The following CLSPN variants were observed in gnomAD, a reference collection of about 807,000 sequenced individuals.
The protein encoded by CLSPN is claspin.
A neutral mutation model predicts 156.3 loss-of-function variants in CLSPN; 85 were observed. The observed-to-expected ratio is 0.54, with a 90% confidence interval of 0.46 to 0.65. The LOEUF (loss-of-function observed/expected upper bound fraction) is 0.65, where lower values mean the gene tolerates loss of function less well. CLSPN is among the 30% of genes least tolerant of loss of function. The pLI is 0.00. For synonymous variants in CLSPN, 534 were observed against 542.4 expected (o/e 0.98, Z 0.22); for missense variants, 1,407 against 1,554.9 (o/e 0.90, Z 1.60).
chr1:35,753,000 G>C (rs1642144596), intron 9 of CLSPN, among the ~76,000 whole-genome samples: 1 of 152,156 alleles, frequency 6.6e-6, no homozygotes, highest in Non-Finnish European at 1.5e-5. Flanking sequence ...TATTACTTGT[G>C]ATTTCAAGGG....
At chr1:35,738,893 C>T (rs1311440112) in intron 20 of CLSPN, among the ~76,000 whole-genome samples, 8 of 151,496 alleles carry the variant, frequency 5.3e-5, no homozygotes, top group African/African-American at 9.7e-5. Context: ...CTCCGTCTCC[C>T]GGGTTCACGC....
chr1:35,739,984 C>T (rs556894960), intron 18 of CLSPN, among the ~76,000 whole-genome samples: 22 of 152,196 alleles, frequency 1.4e-4, no homozygotes, highest in Non-Finnish European at 2.5e-4. Flanking sequence ...AGAAAGATTA[C>T]ATTTACCCAA....
In CLSPN at chr1:35,760,358, T is replaced by C. The variant is rs560506651; in HGVS notation, c.1563A>G (p.Glu521=). The change falls in exon 8 of 25, where the codon GAA becomes GAG. Residue 521 remains glutamate (E), a synonymous_variant. Transcript: ENST00000318121. Reference sequence around the variant, plus strand: ...AAGGATTACCTCTGTTGGTTTCAGGTTCAAGTATCACAAAGGAATCTTCAT... The same window carrying C: ...AAGGATTACCTCTGTTGGTTTCAGGCTCAAGTATCACAAAGGAATCTTCAT... The part of the protein sequence containing the change: ...GADEDSFVIL[E]PETNRELEAL... The C allele has an allele frequency of 1.2e-6, 2 of 1,613,074 alleles. No homozygotes were observed. The highest frequency in any genetic ancestry group is 2.2e-5 in the East Asian group (1 of 44,876).
rs1557505847 is a variant in CLSPN, at chr1:35,743,181, C to T, written c.3103G>A (p.Glu1035Lys). 2 of 1,614,144 alleles carry T rather than the reference C, an allele frequency of 1.2e-6. No homozygotes were observed. The highest frequency in any genetic ancestry group is 1.7e-5 in the Admixed American group (1 of 60,022). Residue 1035 changes from glutamate (E) to lysine (K), a missense_variant, in exon 18 of 25, where the codon GAA (glutamate) becomes AAA (lysine). By Grantham distance (56) the Glu-to-Lys change is moderately conservative. Transcript: ENST00000318121. ...ALEDHEDDDE[E>K]ELLKRSEKLK... ...TTCTCAGATCGCTTCAGGAGTTCTTCTTCATCATCATCTTCATGGTCTTCC... is the reference window on the plus strand; with the variant it reads ...TTCTCAGATCGCTTCAGGAGTTCTTTTTCATCATCATCTTCATGGTCTTCC...
chr1:35,766,542 T>A (rs1571225455), intron 1 of CLSPN, among the ~76,000 whole-genome samples: 2 of 152,152 alleles, frequency 1.3e-5, no homozygotes, highest in African/African-American at 4.8e-5. Context: ...CCTCCCAGGT[T>A]CAAGCGATTC....
chr1:35,738,149 A>G (rs745581465), intron 21 of CLSPN, 52 bp from the exon 22 acceptor site: 18 of 722,500 alleles, frequency 2.5e-5, no homozygotes, highest in African/African-American at 1.3e-4. Flanking sequence ...TACAGCATTA[A>G]AAGTCTATAA....
chr1:35,749,299 A>G (rs1642002404), intron 12 of CLSPN, among the ~76,000 whole-genome samples, 168 bp downstream of exon 12: 1 of 152,206 alleles, frequency 6.6e-6, no homozygotes, highest in South Asian at 2.1e-4. Context: ...AAACTGCAAA[A>G]AATAGACCAA....
chr1:35,749,372 T>C, intron 12 of CLSPN, 95 bp downstream of exon 12: 1 of 1,164,556 alleles, frequency 8.6e-7, no homozygotes, highest in South Asian at 1.3e-5. Flanking sequence ...AGTGACCAGA[T>C]TTAAAAACAT....
Position 35,746,586 on chromosome 1 carries a change from T to G in CLSPN, c.2854+180A>C, listed in dbSNP as rs1356031485. ...ATTTTTTTTTTTTTTTTCGTAGAGA[T>G]GGGGATTTGCCATGTTGCCCAGGCT... On this transcript the variant is annotated intron_variant, in intron 15 of 24. Transcript: ENST00000318121. The surrounding 1 kb of genome is among the most constrained non-coding windows in gnomAD (Gnocchi z 4.2). 6.8e-6 allele frequency among the ~76,000 whole-genome samples: 1 copy of G among 147,968 alleles called. No individual in the cohort carries two copies. The highest frequency in any genetic ancestry group is 1.5e-5 in the Non-Finnish European group (1 of 66,832).
chr1:35,760,569 A>G lies in CLSPN; in HGVS notation c.1352T>C (p.Phe451Ser), dbSNP rs773167204. The G allele has an allele frequency of 6.2e-7, 1 of 1,614,164 alleles. No homozygotes were observed. The highest frequency in any genetic ancestry group is 8.5e-7 in the Non-Finnish European group (1 of 1,180,030). Residue 451 changes from phenylalanine to serine, a missense_variant, in exon 8 of 25, where the codon TTT (phenylalanine) becomes TCT (serine). Phe to Ser is a radical substitution (Grantham distance 155). This residue lies in a region of CLSPN where 1,096 missense variants were observed against 1,193.0 expected (regional missense o/e 0.92). Coordinates refer to ENST00000318121, the MANE Select transcript of CLSPN (RefSeq NM_022111.4). The stretch of plus-strand genomic sequence containing the variant: ...TTCACCCTCCAGGGCATGAGGTTCA[A>G]ATGCTACAAGCCCTCCAACCTGACA... ...EECQVGGLVA[F>S]EPHALEGEGP...
rs1290653093 is a variant in CLSPN at position 35,751,465 on chromosome 1, T to C, written c.1813A>G (p.Met605Val). 3 of 1,614,010 alleles carry C rather than the reference T, an allele frequency of 1.9e-6. No individual in the cohort carries two copies. Among genetic ancestry groups the C allele is most frequent in the Non-Finnish European group, 8.5e-7 (1 of 1,180,006 alleles). Residue 605 changes from methionine (M) to valine (V), a missense_variant, in exon 10 of 25, where the codon ATG becomes GTG. This residue lies in a region of CLSPN where 1,096 missense variants were observed against 1,193.0 expected (regional missense o/e 0.92). Coordinates refer to ENST00000318121, the MANE Select transcript of CLSPN (RefSeq NM_022111.4). Reference protein sequence around the residue: ...QVLKAKLQEAMKLRRFEERQK... With the variant: ...QVLKAKLQEAVKLRRFEERQK... ...CGCTCCTCAAACCTTCGGAGTTTCA[T>C]TGCTTCTTGCAGTTTAGCTTTTAAC... is the stretch of plus-strand genomic sequence containing the variant.
chr1:35,743,488 A>T lies in CLSPN; in HGVS notation c.3009T>A (p.Leu1003=). 6.2e-7 allele frequency: 1 copy of T among 1,613,894 alleles called. No homozygotes were observed. The highest frequency in any genetic ancestry group is 8.5e-7 in the Non-Finnish European group (1 of 1,179,832). The change falls in exon 17 of 25, where the codon CTT becomes CTA. Residue 1003 remains leucine (L), a synonymous_variant. Transcript: ENST00000318121. ...TATCAAACTCATTATCATTTGAAAC[A>T]AGCCGAAAGTCTCCAAATTCCTCCT... is the stretch of plus-strand genomic sequence containing the variant. ...DEEEEFGDFR[L]VSNDNEFDSD... is the part of the protein sequence containing the mutation.
In CLSPN at chr1:35,749,812, CT is replaced by C; in HGVS notation, c.2029-2del. On this transcript the variant is annotated splice_acceptor_variant, in intron 10 of 24. Coordinates refer to ENST00000318121, the MANE Select transcript of CLSPN (RefSeq NM_022111.4). LOFTEE classifies it high-confidence loss of function. ...CACTACTAAGAAGGAATTCTGCAGT[CT>C]TTACCAATCAGGCCACCACAAAACA... 1.2e-6 allele frequency: 2 copies of C among 1,612,992 alleles called. No individual in the cohort carries two copies. Among genetic ancestry groups the C allele is most frequent in the Non-Finnish European group, 1.7e-6 (2 of 1,179,464 alleles).
intron 8 of CLSPN, among the ~76,000 whole-genome samples, chr1:35,758,190 G>A (rs1271391656): frequency 6.8e-6 from 1 of 147,248 alleles, no homozygotes; most frequent in Non-Finnish European, 1.5e-5. Flanking sequence ...TTTTTTTTAT[G>A]AGACAGGGTC....
intron 8 of CLSPN, among the ~76,000 whole-genome samples, chr1:35,758,789 T>TTTTTTC (rs1203965860): frequency 7.9e-6 from 1 of 126,670 alleles, no homozygotes; most frequent in Non-Finnish European, 1.8e-5. Context: ...CATATAGTGC[T>TTTTTTC]TTTTTCTTTT....
rs1331150769 is a variant in CLSPN, at chr1:35,733,188, C to T, written c.*3308G>A. 1.3e-5 allele frequency among the ~76,000 whole-genome samples: 2 copies of T among 151,920 alleles called. No individual in the cohort carries two copies. The highest frequency in any genetic ancestry group is 2.9e-5 in the Non-Finnish European group (2 of 67,970). ...TCACCTTGTTGGTCAGTCTGGTCTC[C>T]AACTCCTGACCTTAGGTGATCCAGC... On this transcript the variant is annotated 3_prime_UTR_variant, in exon 25 of 25. Coordinates refer to ENST00000318121, the MANE Select transcript of CLSPN (RefSeq NM_022111.4).
chr1:35,749,248 A>G (rs1642000765), intron 12 of CLSPN, among the ~76,000 whole-genome samples: 1 of 152,164 alleles, frequency 6.6e-6, no homozygotes, highest in African/African-American at 2.4e-5. Context: ...CAATCAACAC[A>G]CATTCACTAA....
In CLSPN at chr1:35,760,900, A is replaced by C. The variant is rs767358470; in HGVS notation, c.1021T>G (p.Ser341Ala). 2.5e-6 allele frequency: 4 copies of C among 1,610,134 alleles called. No homozygotes were observed. The Admixed American group carries it at 6.7e-5, about 27-fold the overall frequency. The change falls in exon 8 of 25, where the codon TCA becomes GCA. Residue 341 changes from serine (S) to alanine (A), a missense_variant. By Grantham distance (99) the Ser-to-Ala change is moderately conservative. Transcript: ENST00000318121. ...TCTATGATTTCTTTGTGATGGCTTG[A>C]CTGATATTTAGATGACCTAGAGAAG... ...MALLKSSKYQ[S>A]SHHKEIIDTA... is the part of the protein sequence containing the mutation.
chr1:35,733,320 CTT>C lies in CLSPN; in HGVS notation c.*3174_*3175del, dbSNP rs1222789867. 3.1e-4 allele frequency: 42 copies of C among 135,950 alleles called. No individual in the cohort carries two copies. Among genetic ancestry groups the C allele is most frequent in the Non-Finnish European group, 5.0e-4 (35 of 69,974 alleles). 8.4% of individuals were successfully genotyped at this position (135,950 alleles called of 1,614,324 possible). A position where few individuals can be genotyped will look rare whatever the true frequency, so the allele number is the denominator to read the frequency against. ...CAGGCACTAATTTTCTTTTTTTTTT[CTT>C]TTTTTTTTTTTTTTTAGAGTTGGGA... On this transcript the variant is annotated 3_prime_UTR_variant, in exon 25 of 25. Transcript: ENST00000318121.
Sources: gnomAD v4.1 joint callset for allele counts (sites outside exome capture counted in the v4.1 genomes callset) on GRCh38, gnomAD v4.1.1 for gene constraint, gnomAD v4.1.1 regional missense constraint, Gnocchi (gnomAD v3.1) non-coding constraint, MANE v1.5 for transcripts, NCBI Gene and HGNC (gene_info 2026-07-23, HGNC 2026-07-21) for gene names.